The following FAM227B variants were observed in gnomAD, a reference collection of about 807,000 sequenced individuals.
FAM227B encodes the protein family with sequence similarity 227 member B.
FAM227B carries 88 observed loss-of-function variants against 73.8 expected under a neutral mutation model. The ratio of observed to expected loss-of-function variants is 1.19; its 90% CI spans 1.00 to 1.42. The LOEUF (loss-of-function observed/expected upper bound fraction) is 1.42. FAM227B is among the 40% of genes most tolerant of loss of function. The probability of loss-of-function intolerance (pLI) is 0.00; values close to 1 mark genes in which losing one functional copy is unlikely to be tolerated. For missense variants in FAM227B, 632 were observed against 590.9 expected (o/e 1.07, Z -0.72); for synonymous variants, 210 against 190.5 (o/e 1.10, Z -0.84).
intron 11 of FAM227B, among the ~76,000 whole-genome samples, chr15:49,375,855 G>A (rs1214989093): frequency 1.3e-5 from 2 of 152,048 alleles, no homozygotes; most frequent in African/African-American, 2.4e-5. Context: ...TATGCTTATT[G>A]AGAATAATAA....
At position 49,355,275 on chromosome 15, in the gene FAM227B, G is replaced by A. The variant is rs192357043; in HGVS notation, c.1271+12173C>T. 1.5e-3 allele frequency among the ~76,000 whole-genome samples: 229 copies of A among 152,302 alleles called. 1 individual carries two copies. Among genetic ancestry groups the A allele is most frequent in the African/African-American group, 5.1e-3 (213 of 41,556 alleles). ...GAAGAGCTCAGAGAAGAAGGCTTCA[G>A]ACTATCAAATTACTCTGAGCTACGG... On this transcript the variant is annotated intron_variant, in intron 13 of 15. Transcript: ENST00000299338.
chr15:49,365,560 C>A lies in FAM227B; in HGVS notation c.1271+1888G>T, dbSNP rs1596582494. ...CAATGTTTCAGTATTTTCAAAAGGT[C>A]CAGCTGCAAGTTTAACCATGATACT... On this transcript the variant is annotated intron_variant, in intron 13 of 15. Coordinates refer to ENST00000299338, the MANE Select transcript of FAM227B (RefSeq NM_152647.3). 1.0e-5 allele frequency: 9 copies of A among 887,670 alleles called. No individual in the cohort carries two copies. The East Asian group carries it at 2.2e-4, about 21-fold the overall frequency. 55.0% of individuals were successfully genotyped at this position (887,670 alleles called of 1,614,324 possible).
intron 11 of FAM227B, among the ~76,000 whole-genome samples, chr15:49,371,615 C>T (rs1048865646): frequency 6.7e-6 from 1 of 150,220 alleles, no homozygotes; most frequent in Admixed American, 6.6e-5. Context: ...TGTAAATATT[C>T]ATTTATAAAT....
At chr15:49,359,194 TA>T (rs1322290366) in intron 13 of FAM227B, among the ~76,000 whole-genome samples, 7 of 147,560 alleles carry the variant, frequency 4.7e-5, no homozygotes, top group Admixed American at 1.4e-4. Flanking sequence ...ACTTCATGTC[TA>T]AAACACCAAA....
intron 11 of FAM227B, among the ~76,000 whole-genome samples, chr15:49,501,559 G>A (rs1478332484): frequency 1.3e-5 from 2 of 152,068 alleles, no homozygotes; most frequent in Non-Finnish European, 2.9e-5. Flanking sequence ...AGATGCAGGA[G>A]CAAAGAAATG....
At chr15:49,444,211 A>T (rs962212106) in intron 11 of FAM227B, among the ~76,000 whole-genome samples, 1 of 151,648 alleles carries the variant, frequency 6.6e-6, no homozygotes, top group Non-Finnish European at 1.5e-5. Context: ...ATTCTCCCTC[A>T]TAAGGATTTA....
chr15:49,357,280 A>G lies in FAM227B; in HGVS notation c.1271+10168T>C, dbSNP rs1178945366. ...AGAGACACAAAAAACCCTTCAAAAAATTAGTGAATCCAGGAGCTGGTTTTT... is the reference window on the plus strand; with the variant it reads ...AGAGACACAAAAAACCCTTCAAAAAGTTAGTGAATCCAGGAGCTGGTTTTT... On this transcript the variant is annotated intron_variant, in intron 13 of 15. Coordinates refer to ENST00000299338, the MANE Select transcript of FAM227B (RefSeq NM_152647.3). 3.0e-4 allele frequency among the ~76,000 whole-genome samples: 44 copies of G among 148,868 alleles called. No homozygotes were observed. The South Asian group carries it at 7.1e-3, about 24-fold the overall frequency.
rs554260632 is a variant in FAM227B, at chr15:49,457,070, CCAT to C, written c.1012+51138_1012+51140del. 6.4e-4 allele frequency among the ~76,000 whole-genome samples: 98 copies of C among 152,134 alleles called. 3 individuals carry two copies. In the South Asian group the frequency reaches 0.02, roughly 31 times the overall value. On this transcript the variant is annotated intron_variant, in intron 11 of 15. Transcript: ENST00000299338. Reference sequence around the variant, plus strand: ...CAGTATCATTTTTACTACTACACCACCATGCCTGTCAAAATAGGAAGACTCCAT... The same window carrying C: ...CAGTATCATTTTTACTACTACACCACGCCTGTCAAAATAGGAAGACTCCAT...
chr15:49,504,985 G>T (rs1017546005), intron 11 of FAM227B, among the ~76,000 whole-genome samples: 3 of 152,062 alleles, frequency 2.0e-5, no homozygotes, highest in African/African-American at 7.2e-5. Context: ...GCCAAATACT[G>T]AGAACAATAC....
intron 11 of FAM227B, chr15:49,395,869 C>T: frequency 2.2e-6 from 1 of 449,736 alleles, no homozygotes; most frequent in South Asian, 1.6e-5. Context: ...TTGAATCTCT[C>T]TAAATTTTCA....
chr15:49,607,916 A>AT (rs2077626376), intron 3 of FAM227B, among the ~76,000 whole-genome samples: 1 of 152,048 alleles, frequency 6.6e-6, no homozygotes. Flanking sequence ...ATTCCTTTAT[A>AT]TTTTGCCTTC....
intron 11 of FAM227B, among the ~76,000 whole-genome samples, chr15:49,402,532 T>C (rs527655985): frequency 6.6e-6 from 1 of 152,334 alleles, no homozygotes; most frequent in South Asian, 2.1e-4. Flanking sequence ...TTTATTTTTA[T>C]TGTAGCAATT....
At chr15:49,474,998 AAG>A (rs1567349112) in intron 11 of FAM227B, among the ~76,000 whole-genome samples, 3,344 of 151,932 alleles carry the variant, frequency 0.022, 145 homozygotes, top group African/African-American at 0.077. Flanking sequence ...CAAACTATAA[AAG>A]ATAGAATAAA....
chr15:49,391,852 A>C (rs917616541), intron 11 of FAM227B, among the ~76,000 whole-genome samples: 2 of 152,148 alleles, frequency 1.3e-5, no homozygotes, highest in African/African-American at 2.4e-5. Flanking sequence ...GCCCTTGCTT[A>C]TAGGCCATTG....
chr15:49,448,894 T>C (rs1872540902), intron 11 of FAM227B, among the ~76,000 whole-genome samples: 1 of 151,894 alleles, frequency 6.6e-6, no homozygotes, highest in South Asian at 2.1e-4. Flanking sequence ...CCCTAACAAC[T>C]GGATACTTTC....
intron 3 of FAM227B, among the ~76,000 whole-genome samples, chr15:49,594,138 T>G (rs915161960): frequency 6.6e-6 from 1 of 152,178 alleles, no homozygotes; most frequent in Non-Finnish European, 1.5e-5. Flanking sequence ...TAAGGTGGTA[T>G]TGCATTGTGG....
chr15:49,543,059 T>A (rs1204043112), intron 9 of FAM227B, among the ~76,000 whole-genome samples: 2 of 152,226 alleles, frequency 1.3e-5, no homozygotes, highest in African/African-American at 4.8e-5. Flanking sequence ...GTAGTTCTAC[T>A]TTTAGTTCTT....
At chr15:49,411,944 C>T (rs886724586) in intron 11 of FAM227B, among the ~76,000 whole-genome samples, 1 of 152,058 alleles carries the variant, frequency 6.6e-6, no homozygotes, top group South Asian at 2.1e-4. Context: ...TTTACATCCT[C>T]ATTTGCAGAT....
intron 9 of FAM227B, among the ~76,000 whole-genome samples, chr15:49,549,938 T>A (rs76980976): frequency 1.1e-4 from 8 of 74,168 alleles, no homozygotes; most frequent in Non-Finnish European, 2.5e-4. Context: ...CCCTCCCGGA[T>A]GGGGCGGCTG....
Sources: allele counts gnomAD v4.1 joint callset (sites outside exome capture counted in the v4.1 genomes callset), GRCh38; gene constraint gnomAD v4.1.1; transcripts MANE v1.5; gene names NCBI Gene and HGNC (gene_info 2026-07-23, HGNC 2026-07-21).